PITPNA: variants seen among roughly 807,000 people sequenced by gnomAD.
PITPNA encodes the protein phosphatidylinositol transfer protein alpha, also known as phosphatidylinositol transfer protein alpha isoform.
A neutral mutation model predicts 50.3 loss-of-function variants in PITPNA; 13 were observed. That is an observed-to-expected ratio of 0.26 (90% CI 0.17 to 0.41). The LOEUF (loss-of-function observed/expected upper bound fraction) is 0.41. Among genes scored for constraint, PITPNA ranks in the 10% least tolerant of loss-of-function variants. The pLI is 1.00. For synonymous variants in PITPNA, 120 were observed against 119.6 expected, an observed-to-expected ratio of 1.00 and a Z score of -0.02; for missense variants, 207 against 333.4, an observed-to-expected ratio of 0.62 and a Z score of 2.95.
chr17:1,558,417 T>C (rs2075749704), intron 2 of PITPNA, 112 bp downstream of exon 2: 2 of 713,264 alleles, frequency 2.8e-6, no homozygotes, highest in Non-Finnish European at 4.9e-6. Flanking sequence ...GAAATATTTA[T>C]GTTAGAACAA....
Position 1,555,047 on chromosome 17 carries a change from A to T in PITPNA, c.52-1898T>A, listed in dbSNP as rs375485643. Among the ~76,000 whole-genome samples, 7 of 152,192 alleles carry T rather than the reference A, an allele frequency of 4.6e-5. No individual in the cohort carries two copies. In the East Asian group the frequency reaches 1.4e-3, roughly 29 times the overall value. On this transcript the variant is annotated intron_variant, in intron 2 of 11. Coordinates refer to ENST00000313486, the MANE Select transcript of PITPNA (RefSeq NM_006224.4). ...CAGGGGTGCCTAAGAAGGAGCAGTAACTCCGTTTCAGAGAAGAGCCGTAAG... is the reference window on the plus strand; with the variant it reads ...CAGGGGTGCCTAAGAAGGAGCAGTATCTCCGTTTCAGAGAAGAGCCGTAAG...
At chr17:1,527,054 A>G (rs1198810009) in intron 10 of PITPNA, among the ~76,000 whole-genome samples, 1 of 151,888 alleles carries the variant, frequency 6.6e-6, no homozygotes, top group Non-Finnish European at 1.5e-5. Context: ...CATCGCACCC[A>G]GCCCATTACT....
rs977987581 is a variant in PITPNA at position 1,518,683 on chromosome 17, T to C, written c.*1878A>G. On this transcript the variant is annotated 3_prime_UTR_variant, in exon 12 of 12. Coordinates refer to ENST00000313486, the MANE Select transcript of PITPNA (RefSeq NM_006224.4). Reference sequence around the variant, plus strand: ...AACAGCTGCTGACCCTCAGACCACATAGACAACTGTCTGCCTAGAATGTCA... The same window carrying C: ...AACAGCTGCTGACCCTCAGACCACACAGACAACTGTCTGCCTAGAATGTCA... 5 of 152,274 alleles carry C rather than the reference T, an allele frequency of 3.3e-5. No homozygotes were observed. Among genetic ancestry groups the C allele is most frequent in the African/African-American group, 1.2e-4 (5 of 41,454 alleles). 9.4% of individuals were successfully genotyped at this position (152,274 alleles called of 1,614,324 possible). A position where few individuals can be genotyped will look rare whatever the true frequency, so the allele number is the denominator to read the frequency against.
At chr17:1,554,307 G>T (rs987642895) in intron 2 of PITPNA, among the ~76,000 whole-genome samples, 4 of 152,100 alleles carry the variant, frequency 2.6e-5, no homozygotes, top group African/African-American at 9.7e-5. Context: ...CAACATGCTG[G>T]GGGGTGGAGG....
At position 1,518,799 on chromosome 17, in the gene PITPNA, C is replaced by T. The variant is rs1037886224; in HGVS notation, c.*1762G>A. The T allele has an allele frequency of 2.0e-5, 3 of 152,212 alleles. No individual in the cohort carries two copies. Among genetic ancestry groups the T allele is most frequent in the Non-Finnish European group, 2.9e-5 (2 of 68,038 alleles). The allele number at this position is 152,212 out of a possible 1,614,324, so 9.4% of individuals were successfully genotyped here. On this transcript the variant is annotated 3_prime_UTR_variant, in exon 12 of 12. Coordinates refer to ENST00000313486, the MANE Select transcript of PITPNA (RefSeq NM_006224.4). ...AAGCACAAATATAATGAATAGCTAA[C>T]ACAGAGCTTATAGGAAAACACTGAC...
intron 1 of PITPNA, among the ~76,000 whole-genome samples, chr17:1,559,237 T>C (rs1567589197): frequency 6.6e-6 from 1 of 152,180 alleles, no homozygotes; most frequent in African/African-American, 2.4e-5. Context: ...TCAACTTATG[T>C]CCTGACCTCC....
intron 3 of PITPNA, among the ~76,000 whole-genome samples, chr17:1,549,821 T>C (rs1467255905): frequency 2.7e-5 from 3 of 111,512 alleles, no homozygotes; most frequent in Non-Finnish European, 5.1e-5. Flanking sequence ...ACTACAGGCA[T>C]GCGCCACCAC....
chr17:1,549,959 G>A (rs2151012033), intron 3 of PITPNA, among the ~76,000 whole-genome samples: 1 of 152,290 alleles, frequency 6.6e-6, no homozygotes, highest in East Asian at 1.9e-4. Context: ...ACAGGCGTGA[G>A]CCACCGCGCC....
intron 7 of PITPNA, among the ~76,000 whole-genome samples, chr17:1,537,583 T>C (rs1364233184): frequency 6.6e-6 from 1 of 152,172 alleles, no homozygotes. Context: ...TCAACCAGAG[T>C]TGACAAAATA....
At chr17:1,551,279 CTTTT>C (rs879024194) in intron 3 of PITPNA, among the ~76,000 whole-genome samples, 11 of 150,498 alleles carry the variant, frequency 7.3e-5, no homozygotes, top group Admixed American at 4.6e-4. Context: ...TTTTCTTTTT[CTTTT>C]TTTTCTTTTT....
At chr17:1,538,258 A>G (rs974685338) in intron 7 of PITPNA, among the ~76,000 whole-genome samples, 3 of 152,226 alleles carry the variant, frequency 2.0e-5, no homozygotes, top group Non-Finnish European at 2.9e-5. Flanking sequence ...ATGAATGAGG[A>G]GGAATCTAAC....
At chr17:1,551,295 T>G (rs1287859976) in intron 3 of PITPNA, among the ~76,000 whole-genome samples, 3 of 151,464 alleles carry the variant, frequency 2.0e-5, no homozygotes, top group Non-Finnish European at 4.4e-5. Context: ...TTTCTTTTTT[T>G]TTTTTTGTAA....
intron 5 of PITPNA, 82 bp downstream of exon 5, chr17:1,542,938 C>T (rs1306061527): frequency 1.9e-6 from 2 of 1,080,700 alleles, no homozygotes; most frequent in East Asian, 5.0e-5. Context: ...AAAGAACACC[C>T]AAGACCACCA....
At chr17:1,536,444 T>G (rs561725757) in intron 7 of PITPNA, among the ~76,000 whole-genome samples, 55 of 148,938 alleles carry the variant, frequency 3.7e-4, no homozygotes, top group South Asian at 2.3e-3. Flanking sequence ...CCCGCCACCA[T>G]GCCCGGCTAA....
chr17:1,551,868 C>CGAGGAGACTGGGTGACGGT (rs2075711419), intron 3 of PITPNA, among the ~76,000 whole-genome samples: 4 of 151,624 alleles, frequency 2.6e-5, no homozygotes, highest in Admixed American at 2.6e-4. Context: ...GACCCTCTGG[C>CGAGGAGACTGGGTGACGGT]GAGGAGACTG....
chr17:1,562,487 C>G lies in PITPNA; in HGVS notation c.20+54G>C. 1 of 1,361,712 alleles carries G rather than the reference C, an allele frequency of 7.3e-7. No homozygotes were observed. Among genetic ancestry groups the G allele is most frequent in the Non-Finnish European group, 9.7e-7 (1 of 1,034,798 alleles). 84.4% of individuals were successfully genotyped at this position (1,361,712 alleles called of 1,614,324 possible). A position where few individuals can be genotyped will look rare whatever the true frequency, so the allele number is the denominator to read the frequency against. ...GTCCCTCGCCGCGCCGTCGCCCCGGCGGCCGTCCCCACCCTCCCTCCTCCC... is the reference window on the plus strand; with the variant it reads ...GTCCCTCGCCGCGCCGTCGCCCCGGGGGCCGTCCCCACCCTCCCTCCTCCC... On this transcript the variant is annotated intron_variant, in intron 1 of 11. Transcript: ENST00000313486. The surrounding 1 kb of genome is among the most constrained non-coding windows in gnomAD (Gnocchi z 6.4).
chr17:1,545,147 C>T (rs963711130), intron 4 of PITPNA, among the ~76,000 whole-genome samples: 1 of 152,194 alleles, frequency 6.6e-6, no homozygotes, highest in African/African-American at 2.4e-5. Context: ...TCCTATCTTA[C>T]CCTCTCCTCA....
chr17:1,548,657 A>T (rs1248754852), intron 3 of PITPNA, among the ~76,000 whole-genome samples: 2 of 152,104 alleles, frequency 1.3e-5, no homozygotes, highest in Non-Finnish European at 2.9e-5. Flanking sequence ...CACCCCTTCC[A>T]TCAGCATTAC....
chr17:1,562,505 C>A lies in PITPNA; in HGVS notation c.20+36G>T. On this transcript the variant is annotated intron_variant, in intron 1 of 11. Coordinates refer to ENST00000313486, the MANE Select transcript of PITPNA (RefSeq NM_006224.4). This position sits in a 1 kb window ranked among gnomAD's most constrained non-coding sequence, Gnocchi z 6.4. Reference sequence around the variant, plus strand: ...GCCCCGGCGGCCGTCCCCACCCTCCCTCCTCCCCGCTTCCGCACGGCCGCC... The same window carrying A: ...GCCCCGGCGGCCGTCCCCACCCTCCATCCTCCCCGCTTCCGCACGGCCGCC... The A allele has an allele frequency of 7.0e-7, 1 of 1,420,778 alleles. No homozygotes were observed. The highest frequency in any genetic ancestry group is 3.0e-5 in the East Asian group (1 of 32,954). The allele number at this position is 1,420,778 out of a possible 1,614,324, so 88.0% of individuals were successfully genotyped here. A position where few individuals can be genotyped will look rare whatever the true frequency, so the allele number is the denominator to read the frequency against.
Sources: gnomAD v4.1 joint callset for allele counts (sites outside exome capture counted in the v4.1 genomes callset) on GRCh38, gnomAD v4.1.1 for gene constraint, Gnocchi (gnomAD v3.1) non-coding constraint, MANE v1.5 for transcripts, NCBI Gene and HGNC (gene_info 2026-07-23, HGNC 2026-07-21) for gene names.